Variants in CSMD1 observed in about 807,000 individuals in gnomAD.
CSMD1 encodes the protein CUB and sushi domain-containing protein 1.
A neutral mutation model predicts 417.5 loss-of-function variants in CSMD1; 213 were observed. That is an observed-to-expected ratio of 0.51 (90% CI 0.46 to 0.57). The LOEUF (loss-of-function observed/expected upper bound fraction) is 0.57. Among genes scored for constraint, CSMD1 ranks in the 20% least tolerant of loss-of-function variants. The probability of loss-of-function intolerance (pLI) is 0.00; values close to 1 mark genes in which losing one functional copy is unlikely to be tolerated. For synonymous variants in CSMD1, 2,862 were observed against 1,736.8 expected (o/e 1.65, Z -16.11); for missense variants, 6,923 against 4,529.7 (o/e 1.53, Z -15.17).
chr8:4,089,421 TTC>T (rs1563109289), intron 3 of CSMD1, among the ~76,000 whole-genome samples: 1 of 152,198 alleles, frequency 6.6e-6, no homozygotes, highest in Non-Finnish European at 1.5e-5. Context: ...ATGGTTAGCA[TTC>T]TGTGTCATTA....
intron 3 of CSMD1, among the ~76,000 whole-genome samples, chr8:4,141,984 T>G (rs141176155): frequency 4.7e-4 from 71 of 151,134 alleles, no homozygotes; most frequent in Non-Finnish European, 8.5e-4. Flanking sequence ...GACATTAAAT[T>G]TCTCTCAACT....
intron 26 of CSMD1, among the ~76,000 whole-genome samples, chr8:3,254,013 T>C (rs1454647814): frequency 1.3e-5 from 2 of 152,082 alleles, no homozygotes; most frequent in Non-Finnish European, 2.9e-5. Flanking sequence ...TGGCTGGTAC[T>C]AGTTGTTCCT....
chr8:4,514,343 C>T (rs1254250450), intron 2 of CSMD1, among the ~76,000 whole-genome samples: 1 of 152,126 alleles, frequency 6.6e-6, no homozygotes, highest in Non-Finnish European at 1.5e-5. Flanking sequence ...CCATATACGG[C>T]TATACTGCAG....
intron 3 of CSMD1, among the ~76,000 whole-genome samples, chr8:4,393,132 C>T (rs924419163): frequency 2.0e-5 from 3 of 152,116 alleles, no homozygotes; most frequent in Admixed American, 6.5e-5. Flanking sequence ...TGTGCCACCA[C>T]GCCCGACTAA....
intron 2 of CSMD1, among the ~76,000 whole-genome samples, chr8:4,549,895 TCA>T (rs1491106730): frequency 1.5e-5 from 1 of 65,838 alleles, no homozygotes; most frequent in Admixed American, 1.8e-4. Context: ...AGACTTTGTC[TCA>T]AAAAAAAAAA....
At position 4,516,066 on chromosome 8, in the gene CSMD1, C is replaced by T. The variant is rs578251373; in HGVS notation, c.303-96001G>A. Among the ~76,000 whole-genome samples, 77 of 152,248 alleles carry T rather than the reference C, an allele frequency of 5.1e-4. No individual in the cohort carries two copies. In the South Asian group the frequency reaches 0.015, roughly 30 times the overall value. On this transcript the variant is annotated intron_variant, in intron 2 of 69. Transcript: ENST00000635120. Reference sequence around the variant, plus strand: ...CTTCCCAAAACTGCTATGTTGAAATCTCAACCCCAGGTGCCTCAGAATGTG... The same window carrying T: ...CTTCCCAAAACTGCTATGTTGAAATTTCAACCCCAGGTGCCTCAGAATGTG...
chr8:4,027,969 C>G (rs1398844366), intron 4 of CSMD1, among the ~76,000 whole-genome samples: 1 of 151,924 alleles, frequency 6.6e-6, no homozygotes, highest in Admixed American at 6.6e-5. Flanking sequence ...TTTAGGATGC[C>G]CAATGGCACT....
chr8:3,991,202 A>T (rs1814720000), intron 5 of CSMD1, among the ~76,000 whole-genome samples: 1 of 152,228 alleles, frequency 6.6e-6, no homozygotes, highest in South Asian at 2.1e-4. Context: ...AATATCCAGG[A>T]TAAGGCATGT....
intron 47 of CSMD1, among the ~76,000 whole-genome samples, chr8:3,095,902 T>C (rs1815262421): frequency 6.6e-6 from 1 of 152,314 alleles, no homozygotes; most frequent in Non-Finnish European, 1.5e-5. Context: ...AAGACTATTG[T>C]TGAAAACAGT....
At chr8:4,149,446 C>G (rs77538571) in intron 3 of CSMD1, among the ~76,000 whole-genome samples, 6,554 of 152,096 alleles carry the variant, frequency 0.043, 385 homozygotes, top group East Asian at 0.25. Context: ...TACATAAGGG[C>G]CAATAAAAGG....
chr8:4,966,209 C>CAAAAAAAAAAAAAAAAAAAAA (rs33941630), intron 1 of CSMD1, among the ~76,000 whole-genome samples: 1 of 89,134 alleles, frequency 1.1e-5, no homozygotes, highest in African/African-American at 4.1e-5. Flanking sequence ...ACTAAATATA[C>CAAAAAAAAAAAAAAAAAAAAA]AAAAAAAAAA....
At chr8:4,266,447 G>A (rs1350007439) in intron 3 of CSMD1, among the ~76,000 whole-genome samples, 1 of 104,172 alleles carries the variant, frequency 9.6e-6, no homozygotes, top group African/African-American at 2.6e-5. Context: ...AGGTTATATT[G>A]ATGATTGGTT....
chr8:3,328,158 A>G (rs1344558741), intron 23 of CSMD1, among the ~76,000 whole-genome samples: 2 of 152,146 alleles, frequency 1.3e-5, no homozygotes, highest in Non-Finnish European at 2.9e-5. Context: ...TACTTTCCCT[A>G]AACCTGGTTC....
chr8:3,262,678 C>T (rs181464238), intron 26 of CSMD1, among the ~76,000 whole-genome samples: 2 of 152,010 alleles, frequency 1.3e-5, no homozygotes, highest in East Asian at 1.9e-4. Context: ...TTCAAGCAAA[C>T]ATGGAATACC....
At chr8:3,352,323 A>G (rs938966129) in intron 21 of CSMD1, among the ~76,000 whole-genome samples, 2 of 152,244 alleles carry the variant, frequency 1.3e-5, no homozygotes, top group African/African-American at 4.8e-5. Context: ...AAACAGTTGA[A>G]TTTTAAAGAC....
Position 4,267,256 on chromosome 8 carries a change from T to C in CSMD1, c.415+152697A>G, listed in dbSNP as rs1804278334. On this transcript the variant is annotated intron_variant, in intron 3 of 69. Coordinates refer to ENST00000635120, the MANE Select transcript of CSMD1 (RefSeq NM_033225.6). ...AAAGTGAGTTCAATGAAGTTGCTAC[T>C]TAGAAAATATATCATGTTTTAATAT... 1.9e-5 allele frequency among the ~76,000 whole-genome samples: 2 copies of C among 103,872 alleles called. 1 individual carries two copies. The highest frequency in any genetic ancestry group is 5.2e-5 in the Non-Finnish European group (2 of 38,628). 68.1% of individuals were successfully genotyped at this position (103,872 alleles called of 152,430 possible).
At chr8:3,711,863 A>T (rs115759670) in intron 6 of CSMD1, among the ~76,000 whole-genome samples, 4,121 of 152,258 alleles carry the variant, frequency 0.027, 173 homozygotes, top group African/African-American at 0.094. Context: ...AGAGCATAGA[A>T]CTCAACGCAA....
intron 2 of CSMD1, among the ~76,000 whole-genome samples, chr8:4,518,661 A>T (rs183105577): frequency 1.3e-5 from 2 of 150,118 alleles, no homozygotes; most frequent in East Asian, 2.0e-4. Context: ...GATATACCTA[A>T]TGCTAAATGA....
chr8:3,177,595 G>A (rs1032742215), intron 37 of CSMD1, among the ~76,000 whole-genome samples: 28 of 152,102 alleles, frequency 1.8e-4, no homozygotes, highest in African/African-American at 6.5e-4. Context: ...AGGGATAACT[G>A]GGGCAATAGA....
Sources: allele counts gnomAD v4.1 joint callset (sites outside exome capture counted in the v4.1 genomes callset), GRCh38; gene constraint gnomAD v4.1.1; transcripts MANE v1.5; gene names NCBI Gene and HGNC (gene_info 2026-07-23, HGNC 2026-07-21).